Variants in XPO4 observed in about 807,000 individuals in gnomAD.
XPO4 encodes the protein exportin-4.
A neutral mutation model predicts 143.0 loss-of-function variants in XPO4; 39 were observed. The observed-to-expected ratio is 0.27, with a 90% confidence interval of 0.21 to 0.36. XPO4 has a LOEUF of 0.36. Ranked by LOEUF, XPO4 falls within the 10% of genes least tolerant of loss-of-function variation. The probability of loss-of-function intolerance (pLI) is 1.00; values close to 1 mark genes in which losing one functional copy is unlikely to be tolerated. For synonymous variants in XPO4, 439 were observed against 474.0 expected (o/e 0.93, Z 0.96); for missense variants, 907 against 1,348.0 (o/e 0.67, Z 5.12).
intron 2 of XPO4, among the ~76,000 whole-genome samples, chr13:20,865,852 T>C (rs2060240115): frequency 1.3e-5 from 2 of 152,284 alleles, no homozygotes; most frequent in Non-Finnish European, 2.9e-5. Context: ...AAGTCTCAGA[T>C]GGAAGATGAT....
At chr13:20,849,899 A>G (rs2138082421) in intron 4 of XPO4, 1 of 768,066 alleles carries the variant, frequency 1.3e-6, no homozygotes, top group Non-Finnish European at 1.6e-6. Flanking sequence ...TGAGGTCAGG[A>G]GTTCGAAACC....
intron 3 of XPO4, among the ~76,000 whole-genome samples, chr13:20,857,419 T>A (rs1422855540): frequency 6.6e-6 from 1 of 152,122 alleles, no homozygotes; most frequent in Non-Finnish European, 1.5e-5. Context: ...CTACTATTAT[T>A]CACTCCATTT....
At chr13:20,867,738 C>CTAA (rs34033423) in intron 2 of XPO4, among the ~76,000 whole-genome samples, 53,364 of 151,902 alleles carry the variant, frequency 0.35, 11,185 homozygotes, top group Non-Finnish European at 0.48. Flanking sequence ...ATAAGCCTTA[C>CTAA]TAAAAGCACA....
intron 11 of XPO4, among the ~76,000 whole-genome samples, 186 bp downstream of exon 11, chr13:20,808,897 C>CT: frequency 6.6e-6 from 1 of 152,302 alleles, no homozygotes; most frequent in East Asian, 1.9e-4. Flanking sequence ...GCCATCTATG[C>CT]TGTAGTGCCT....
At chr13:20,878,644 G>A (rs1250825200) in intron 1 of XPO4, among the ~76,000 whole-genome samples, 2 of 152,180 alleles carry the variant, frequency 1.3e-5, no homozygotes, top group South Asian at 2.1e-4. Context: ...TTTGCGGGAA[G>A]AGTATAAAAG....
At chr13:20,870,666 G>A (rs1382654143) in intron 1 of XPO4, among the ~76,000 whole-genome samples, 1 of 151,056 alleles carries the variant, frequency 6.6e-6, no homozygotes, top group Non-Finnish European at 1.5e-5. Context: ...GGAGGCAGAG[G>A]TTGCAGTGAG....
Position 20,843,808 on chromosome 13 carries a change from T to C in XPO4, c.535A>G (p.Ser179Gly). Residue 179 changes from serine (S) to glycine (G), a missense_variant, in exon 5 of 23, where the codon AGC becomes GGC. Transcript: ENST00000255305. Reference sequence around the variant, plus strand: ...TTGCAGTTACCATGGAATTCCATGCTCAATCCAATGTTGCTAGTTTTACTT... The same window carrying C: ...TTGCAGTTACCATGGAATTCCATGCCCAATCCAATGTTGCTAGTTTTACTT... ...SSSKTSNIGL[S>G]MEFHGNCKRV... The C allele has an allele frequency of 6.2e-7, 1 of 1,613,408 alleles. No individual in the cohort carries two copies. The highest frequency in any genetic ancestry group is 8.5e-7 in the Non-Finnish European group (1 of 1,179,788).
chr13:20,824,304 T>C (rs944907552), intron 7 of XPO4, among the ~76,000 whole-genome samples: 5 of 152,220 alleles, frequency 3.3e-5, no homozygotes, highest in South Asian at 2.1e-4. Flanking sequence ...TTTGTCACGA[T>C]GCCTTAGAAT....
intron 1 of XPO4, among the ~76,000 whole-genome samples, chr13:20,886,016 G>T (rs970467868): frequency 6.6e-6 from 1 of 152,160 alleles, no homozygotes; most frequent in South Asian, 2.1e-4. Flanking sequence ...CACTAGAGTG[G>T]AAGATTAACA....
intron 4 of XPO4, among the ~76,000 whole-genome samples, chr13:20,847,571 G>T (rs536393817): frequency 1.3e-5 from 2 of 152,274 alleles, no homozygotes; most frequent in East Asian, 1.9e-4. Flanking sequence ...GTCTCAATGG[G>T]CATTCCGAGT....
At chr13:20,837,584 A>G (rs2059930832) in intron 6 of XPO4, among the ~76,000 whole-genome samples, 1 of 151,876 alleles carries the variant, frequency 6.6e-6, no homozygotes, top group African/African-American at 2.4e-5. Flanking sequence ...TTTTTGTAAG[A>G]GATGGGGTGT....
intron 15 of XPO4, 109 bp from the exon 16 acceptor site, chr13:20,799,448 C>T: frequency 1.0e-6 from 1 of 980,986 alleles, no homozygotes; most frequent in Non-Finnish European, 1.4e-6. Flanking sequence ...GATTTAATTA[C>T]TGTTAAAGCA....
intron 16 of XPO4, 59 bp downstream of exon 16, chr13:20,799,106 A>G: frequency 6.9e-7 from 1 of 1,446,868 alleles, no homozygotes; most frequent in East Asian, 2.3e-5. Flanking sequence ...GGCAACGCAT[A>G]GATAAAGGAA....
chr13:20,849,016 T>G, intron 4 of XPO4: 1 of 985,458 alleles, frequency 1.0e-6, no homozygotes, highest in Non-Finnish European at 1.2e-6. Context: ...GCCATTAATT[T>G]CAAGCTAGTG....
At chr13:20,812,122 A>G (rs990549885) in intron 9 of XPO4, among the ~76,000 whole-genome samples, 2 of 152,030 alleles carry the variant, frequency 1.3e-5, no homozygotes, top group Non-Finnish European at 2.9e-5. Flanking sequence ...TGTAATCCCA[A>G]TACTTTGGGA....
At chr13:20,889,557 A>G (rs1437484868) in intron 1 of XPO4, among the ~76,000 whole-genome samples, 1 of 152,184 alleles carries the variant, frequency 6.6e-6, no homozygotes, top group African/African-American at 2.4e-5. Flanking sequence ...CTCAGCAACA[A>G]AAAGTATCCA....
At position 20,827,096 on chromosome 13, in the gene XPO4, C is replaced by T; in HGVS notation, c.811G>A (p.Asp271Asn). Reference protein sequence around the residue: ...PTESWRETLLDSRVMELFFTV... With the variant: ...PTESWRETLLNSRVMELFFTV... ...AAGAAAAGCTCCATAACTCTGCTGT[C>T]CAGAAGAGTCTCCCGCCAGGACTCT... Residue 271 changes from aspartate (D) to asparagine (N), a missense_variant, in exon 7 of 23, where the codon GAC becomes AAC. Physicochemically the swap from Asp to Asn is conservative, Grantham distance 23 (BLOSUM62 1). Transcript: ENST00000255305. 6.2e-7 allele frequency: 1 copy of T among 1,613,480 alleles called. No homozygotes were observed. Among genetic ancestry groups the T allele is most frequent in the Non-Finnish European group, 8.5e-7 (1 of 1,179,434 alleles).
At chr13:20,882,091 C>A (rs1445280966) in intron 1 of XPO4, among the ~76,000 whole-genome samples, 2 of 112,882 alleles carry the variant, frequency 1.8e-5, no homozygotes, top group South Asian at 2.7e-4. Flanking sequence ...GCCTGGGCGA[C>A]AGAGTAAGAC....
intron 7 of XPO4, among the ~76,000 whole-genome samples, chr13:20,825,053 T>C (rs1595099114): frequency 1.3e-5 from 2 of 151,856 alleles, no homozygotes; most frequent in African/African-American, 2.4e-5. Flanking sequence ...AGAACTAAGA[T>C]AGGAATGCCA....
Sources: allele counts gnomAD v4.1 joint callset (sites outside exome capture counted in the v4.1 genomes callset), GRCh38; gene constraint gnomAD v4.1.1; transcripts MANE v1.5; gene names NCBI Gene and HGNC (gene_info 2026-07-23, HGNC 2026-07-21).